The following ZFP64 variants were observed in gnomAD, a reference collection of about 807,000 sequenced individuals.
ZFP64 encodes ZFP64 zinc finger protein, also known as zinc finger protein 64.
In ZFP64, 14 loss-of-function variants were observed where a neutral mutation model predicts 51.6. The observed-to-expected ratio is 0.27, with a 90% CI of 0.18 to 0.42. ZFP64 has a LOEUF of 0.42. Ranked by LOEUF, ZFP64 falls within the 10% of genes least tolerant of loss-of-function variation. ZFP64 has a pLI of 1.00. For synonymous variants in ZFP64, 375 were observed against 361.4 expected (o/e 1.04, Z -0.43); for missense variants, 754 against 906.8 (o/e 0.83, Z 2.16).
At chr20:52,098,298 G>T (rs1005800583) in intron 6 of ZFP64, 3 of 1,189,712 alleles carry the variant, frequency 2.5e-6, no homozygotes, top group Non-Finnish European at 3.5e-6. Context: ...CCCCAGGGAA[G>T]GCTGTTGTGT....
downstream of ZFP64, among the ~76,000 whole-genome samples, chr20:52,150,395 A>G (rs1980735302): frequency 1.3e-5 from 2 of 152,170 alleles, no homozygotes; most frequent in Non-Finnish European, 2.9e-5. Flanking sequence ...GGGAAAAGAG[A>G]AAGACATAGG....
At chr20:52,131,026 A>G (rs931078771) in intron 5 of ZFP64, among the ~76,000 whole-genome samples, 2 of 152,070 alleles carry the variant, frequency 1.3e-5, no homozygotes, top group Non-Finnish European at 2.9e-5. Context: ...AGATTGGGCC[A>G]CTGCACTCCA....
chr20:52,151,056 A>G (rs542350920), downstream of ZFP64, among the ~76,000 whole-genome samples: 11 of 152,302 alleles, frequency 7.2e-5, no homozygotes, highest in African/African-American at 2.2e-4. Flanking sequence ...AAATGCCAGG[A>G]TTGTCAGTCT....
At chr20:52,130,207 TTG>T (rs1979657387) in intron 5 of ZFP64, among the ~76,000 whole-genome samples, 1 of 149,816 alleles carries the variant, frequency 6.7e-6, no homozygotes, top group Admixed American at 6.6e-5. Flanking sequence ...GTGCCTACAA[TTG>T]TGTTTTGTTT....
At position 52,160,884 on chromosome 20, in the gene ZFP64, T is replaced by C. The variant is rs1238884545; in HGVS notation, c.512-510A>G. 2.6e-5 allele frequency among the ~76,000 whole-genome samples: 4 copies of C among 152,276 alleles called. No homozygotes were observed. The highest frequency in any genetic ancestry group is 5.9e-5 in the Non-Finnish European group (4 of 68,022). ...GCAGAGAAAGTAAAGTGTGTCTCTT[T>C]CACAAGAGGAAACGGCTTGCCTTTT... On this transcript the variant is annotated intron_variant, in intron 4 of 5. Coordinates refer to ENST00000216923, the MANE Select transcript of ZFP64 (RefSeq NM_018197.3). The surrounding 1 kb of genome is among the most constrained non-coding windows in gnomAD (Gnocchi z 4.2).
rs532420621 is a variant in ZFP64 at position 52,105,894 on chromosome 20, A to T, written c.764-7307T>A. The stretch of plus-strand genomic sequence containing the variant: ...CCCTCACCACCCCCATCACACACAC[A>T]GGTCATTCTGATGTGCATCCAAGCT... On this transcript the variant is annotated intron_variant, in intron 5 of 8. Transcript: ENST00000361387. 2.0e-5 allele frequency among the ~76,000 whole-genome samples: 3 copies of T among 152,188 alleles called. No homozygotes were observed. The East Asian group carries it at 5.8e-4, about 30-fold the overall frequency.
At chr20:52,098,378 A>G in intron 6 of ZFP64, 9 of 1,593,172 alleles carry the variant, frequency 5.6e-6, no homozygotes, top group Non-Finnish European at 7.7e-6. Context: ...AGATTCACGT[A>G]GGGCTTGCAG....
chr20:52,160,099 G>C lies in ZFP64; in HGVS notation c.763+24C>G, dbSNP rs1473451401. The C allele has an allele frequency of 7.4e-6, 12 of 1,614,194 alleles. No individual in the cohort carries two copies. The Middle Eastern group carries it at 5.0e-4, about 67-fold the overall frequency. On this transcript the variant is annotated intron_variant, in intron 5 of 5. Transcript: ENST00000216923. This position sits in a 1 kb window ranked among gnomAD's most constrained non-coding sequence, Gnocchi z 4.2. ...TGCCATAGAAAGTGAGGAGCGTAGA[G>C]AGCAAATAACAGGCAGGACTCACCC... is the stretch of plus-strand genomic sequence containing the variant.
intron 5 of ZFP64, chr20:52,105,084 G>C (rs1365459543): frequency 7.1e-7 from 1 of 1,402,316 alleles, no homozygotes; most frequent in Non-Finnish European, 9.2e-7. Flanking sequence ...GAGAACCTCT[G>C]AGCACCGGCC....
intron 5 of ZFP64, among the ~76,000 whole-genome samples, chr20:52,139,854 T>G (rs532418025): frequency 9.3e-5 from 14 of 151,330 alleles, no homozygotes; most frequent in African/African-American, 3.2e-4. Flanking sequence ...AGTTGTTTTT[T>G]TTTTTTTTTT....
At chr20:52,105,302 A>C in intron 5 of ZFP64, 1 of 1,260,380 alleles carries the variant, frequency 7.9e-7, no homozygotes, top group Non-Finnish European at 1.0e-6. Context: ...GAATTCCCGG[A>C]GTTCGGAAAT....
At chr20:52,084,549 C>T in exon 9 of ZFP64, 1 of 1,606,838 alleles carries the variant, frequency 6.2e-7, no homozygotes, top group East Asian at 2.2e-5. Context: ...CCACCCTCTT[C>T]GGCTGAGCTA....
At position 52,129,001 on chromosome 20, in the gene ZFP64, C is replaced by T. The variant is rs966530065; in HGVS notation, c.764-30414G>A. Among the ~76,000 whole-genome samples, 4 of 152,204 alleles carry T rather than the reference C, an allele frequency of 2.6e-5. No individual in the cohort carries two copies. The East Asian group carries it at 5.8e-4, about 22-fold the overall frequency. Reference sequence around the variant, plus strand: ...CGATCTGGGCTCACTGCTACCTCCGCCTCCCAGGTTCAAGCCATTTTCCTG... The same window carrying T: ...CGATCTGGGCTCACTGCTACCTCCGTCTCCCAGGTTCAAGCCATTTTCCTG... On this transcript the variant is annotated intron_variant, in intron 5 of 8. Coordinates refer to the ZFP64 transcript ENST00000361387.
chr20:52,164,773 A>G lies in ZFP64; in HGVS notation c.449-16T>C. On this transcript the variant is annotated splice_polypyrimidine_tract_variant and intron_variant, in intron 3 of 5. Coordinates refer to ENST00000216923, the MANE Select transcript of ZFP64 (RefSeq NM_018197.3). ...AATTGGCAACCTAAAAAAAAAAAGG[A>G]AAGATTAATTACAAAGGAAAACTTA... The G allele has an allele frequency of 6.6e-7, 1 of 1,518,572 alleles. No homozygotes were observed. The highest frequency in any genetic ancestry group is 9.1e-7 in the Non-Finnish European group (1 of 1,096,912). 94.1% of individuals were successfully genotyped at this position (1,518,572 alleles called of 1,614,324 possible).
At chr20:52,086,742 T>A (rs2078869539) in intron 8 of ZFP64, among the ~76,000 whole-genome samples, 1 of 152,124 alleles carries the variant, frequency 6.6e-6, no homozygotes, top group Non-Finnish European at 1.5e-5. Flanking sequence ...CCTCCCAAAG[T>A]GCTGGGATTA....
chr20:52,099,573 C>A (rs749612171), intron 5 of ZFP64, among the ~76,000 whole-genome samples: 1 of 152,224 alleles, frequency 6.6e-6, no homozygotes, highest in Non-Finnish European at 1.5e-5. Context: ...AGTGTGCTCA[C>A]TCACTGCAAG....
At chr20:52,098,570 C>G in exon 6 of ZFP64, 1 of 1,614,084 alleles carries the variant, frequency 6.2e-7, no homozygotes, top group Non-Finnish European at 8.5e-7. Context: ...TTTGGAACAT[C>G]ATCATCAAGT....
At chr20:52,150,542 T>G (rs567621599), downstream of ZFP64, among the ~76,000 whole-genome samples, 1 of 145,580 alleles carries the variant, frequency 6.9e-6, no homozygotes, top group South Asian at 2.2e-4. Context: ...GCCTTTTCTG[T>G]TTCTTACCAA....
chr20:52,171,754 T>TTC (rs71862390), intron 2 of ZFP64, among the ~76,000 whole-genome samples: 904 of 33,680 alleles, frequency 0.027, 17 homozygotes, highest in African/African-American at 0.096. Flanking sequence ...CCTCCCCAAT[T>TTC]TTTTTTTTTT....
Sources: gnomAD v4.1 joint callset for allele counts (sites outside exome capture counted in the v4.1 genomes callset) on GRCh38, gnomAD v4.1.1 for gene constraint, Gnocchi (gnomAD v3.1) non-coding constraint, MANE v1.5 for transcripts, NCBI Gene and HGNC (gene_info 2026-07-23, HGNC 2026-07-21) for gene names.